OLFM1: variants seen among roughly 807,000 people sequenced by gnomAD.
OLFM1 encodes the protein olfactomedin 1.
OLFM1 carries 9 observed loss-of-function variants against 49.7 expected under a neutral mutation model. The observed-to-expected ratio is 0.18, with a 90% CI of 0.11 to 0.32. The LOEUF (loss-of-function observed/expected upper bound fraction) is 0.32. OLFM1 is among the 10% of genes least tolerant of loss of function. OLFM1 has a pLI of 1.00. For missense variants in OLFM1, 369 were observed against 661.8 expected (o/e 0.56, Z 4.85); for synonymous variants, 240 against 271.8 (o/e 0.88, Z 1.15).
intron 1 of OLFM1, chr9:135,076,531 C>A: frequency 1.6e-6 from 2 of 1,223,242 alleles, no homozygotes; most frequent in Non-Finnish European, 2.2e-6. Context: ...TTGGAGCTGG[C>A]AGGTCTTGGG....
At chr9:135,096,052 ATCCTCC>A (rs747912134) in intron 3 of OLFM1, 33 bp downstream of exon 3, 53 of 365,880 alleles carry the variant, frequency 1.4e-4, no homozygotes, top group Non-Finnish European at 1.8e-4. Context: ...CCCTCCCCTT[ATCCTCC>A]TCCTCCTCCT....
intron 2 of OLFM1, among the ~76,000 whole-genome samples, chr9:135,090,712 T>C (rs1465115092): frequency 6.6e-6 from 1 of 152,004 alleles, no homozygotes; most frequent in Non-Finnish European, 1.5e-5. Flanking sequence ...CTCTGAGTGA[T>C]GTCATAATCT....
chr9:135,115,548 C>G (rs1182915558), intron 5 of OLFM1, among the ~76,000 whole-genome samples: 1 of 152,240 alleles, frequency 6.6e-6, no homozygotes, highest in Admixed American at 6.5e-5. Flanking sequence ...ACGTGTGGGA[C>G]CGGATCATGC....
intron 5 of OLFM1, among the ~76,000 whole-genome samples, chr9:135,119,044 G>A (rs2119148114): frequency 6.6e-6 from 1 of 150,454 alleles, no homozygotes; most frequent in Admixed American, 6.6e-5. Context: ...TGGATCTTTG[G>A]AAGTGCTCAC....
chr9:135,111,543 G>A (rs1387762224), intron 5 of OLFM1, among the ~76,000 whole-genome samples: 2 of 152,160 alleles, frequency 1.3e-5, no homozygotes, highest in Non-Finnish European at 2.9e-5. Flanking sequence ...TTTCCTGCCT[G>A]TGCTGAGGGT....
At chr9:135,099,680 GA>G (rs1192798945) in intron 4 of OLFM1, among the ~76,000 whole-genome samples, 1 of 152,212 alleles carries the variant, frequency 6.6e-6, no homozygotes, top group East Asian at 1.9e-4. Context: ...TGGAGTCAGA[GA>G]ACTAATCCAT....
chr9:135,109,410 G>C (rs919264614), intron 5 of OLFM1, among the ~76,000 whole-genome samples: 1 of 152,166 alleles, frequency 6.6e-6, no homozygotes, highest in Non-Finnish European at 1.5e-5. Context: ...CGCCCTCCAG[G>C]AAAAGAGGCT....
At chr9:135,100,918 ATGAT>A (rs35306672) in intron 4 of OLFM1, among the ~76,000 whole-genome samples, 69,326 of 151,112 alleles carry the variant, frequency 0.46, 16,189 homozygotes, top group South Asian at 0.53. Context: ...AGATAGATAA[ATGAT>A]TGATTGATTG....
chr9:135,080,359 T>C lies in OLFM1; in HGVS notation c.96+4557T>C, dbSNP rs1830516881. On this transcript the variant is annotated intron_variant, in intron 1 of 5. Transcript: ENST00000252854. The surrounding 1 kb of genome is among the most constrained non-coding windows in gnomAD (Gnocchi z 4.5). ...GCACGGGTAGGGGGAAGAGTTCAGGTGAAATTGGGGTCTTTTCCTAAACCC... is the reference window on the plus strand; with the variant it reads ...GCACGGGTAGGGGGAAGAGTTCAGGCGAAATTGGGGTCTTTTCCTAAACCC... 6.6e-6 allele frequency among the ~76,000 whole-genome samples: 1 copy of C among 152,052 alleles called. No individual in the cohort carries two copies. Among genetic ancestry groups the C allele is most frequent in the African/African-American group, 2.4e-5 (1 of 41,406 alleles).
intron 1 of OLFM1, chr9:135,077,027 G>C: frequency 6.5e-7 from 1 of 1,549,828 alleles, no homozygotes; most frequent in Non-Finnish European, 8.7e-7. Context: ...CTGCCCAGAC[G>C]ATCAGCCAGT....
intron 5 of OLFM1, among the ~76,000 whole-genome samples, chr9:135,114,246 G>A (rs1013166797): frequency 3.4e-5 from 5 of 145,596 alleles, no homozygotes; most frequent in East Asian, 4.1e-4. Flanking sequence ...TTAGCCTCCC[G>A]AGTAGCTGGG....
At chr9:135,092,855 T>C (rs763768082) in intron 2 of OLFM1, among the ~76,000 whole-genome samples, 1 of 152,228 alleles carries the variant, frequency 6.6e-6, no homozygotes, top group African/African-American at 2.4e-5. Context: ...TGCTCCTTAA[T>C]GCACTGTGCA....
chr9:135,099,458 T>G (rs1264862663), intron 4 of OLFM1, among the ~76,000 whole-genome samples: 3 of 152,032 alleles, frequency 2.0e-5, no homozygotes, highest in Non-Finnish European at 4.4e-5. Context: ...ACTATAAACC[T>G]AAAACATCCA....
intron 4 of OLFM1, chr9:135,105,829 G>A (rs1477018184): frequency 6.6e-6 from 1 of 152,326 alleles, no homozygotes; most frequent in Non-Finnish European, 1.5e-5. Flanking sequence ...CCCATCCAGG[G>A]TCCCTGTTAG....
At chr9:135,111,972 C>T (rs1157175783) in intron 5 of OLFM1, among the ~76,000 whole-genome samples, 1 of 152,202 alleles carries the variant, frequency 6.6e-6, no homozygotes, top group Non-Finnish European at 1.5e-5. Context: ...ACATCGGCCT[C>T]CCAAAGTGCT....
chr9:135,087,334 A>G, upstream of OLFM1: 1 of 1,537,594 alleles, frequency 6.5e-7, no homozygotes, highest in East Asian at 2.5e-5. Context: ...CCCAAAGCGG[A>G]CCCTCTGCGG....
At chr9:135,083,125 G>A (rs142001779), upstream of OLFM1, among the ~76,000 whole-genome samples, 5 of 152,282 alleles carry the variant, frequency 3.3e-5, no homozygotes, top group African/African-American at 7.2e-5. Flanking sequence ...AATTAGTTAC[G>A]GTGAGTTTCC....
chr9:135,081,857 A>AC (rs1223259199), intron 1 of OLFM1, among the ~76,000 whole-genome samples: 1 of 152,142 alleles, frequency 6.6e-6, no homozygotes, highest in Non-Finnish European at 1.5e-5. Context: ...CGACACGTGC[A>AC]CCCGACACGC....
At position 135,098,409 on chromosome 9, in the gene OLFM1, G is replaced by A. The variant is rs1588212664; in HGVS notation, c.580G>A (p.Glu194Lys). 5.0e-6 allele frequency: 8 copies of A among 1,613,926 alleles called. No homozygotes were observed. The highest frequency in any genetic ancestry group is 1.1e-5 in the South Asian group (1 of 91,088). ...EVQNLTSVLN[E>K]LQEEIGAYDY... ...CCAGAATCTGACGTCAGTGCTTAAC[G>A]AGCTGCAAGAGGAAATTGGCGCCTA... The change falls in exon 4 of 6, where the codon GAG (glutamate) becomes AAG (lysine). Residue 194 changes from glutamate to lysine, a missense_variant. By Grantham distance (56) the Glu-to-Lys change is moderately conservative (BLOSUM62 1). Transcript: ENST00000371793. This position sits in a 1 kb window ranked among gnomAD's most constrained non-coding sequence, Gnocchi z 5.6.
Sources: allele counts gnomAD v4.1 joint callset (sites outside exome capture counted in the v4.1 genomes callset), GRCh38; gene constraint gnomAD v4.1.1; non-coding constraint Gnocchi (gnomAD v3.1); transcripts MANE v1.5; gene names NCBI Gene and HGNC (gene_info 2026-07-23, HGNC 2026-07-21).